TNR: variants seen among roughly 807,000 people sequenced by gnomAD.
TNR encodes tenascin R.
Under a neutral mutation model 150.4 loss-of-function variants are expected in TNR, and 45 were observed. That is an observed-to-expected ratio of 0.30 (90% CI 0.24 to 0.38). The LOEUF (loss-of-function observed/expected upper bound fraction) is 0.38, where lower values mean the gene tolerates loss of function less well. Ranked by LOEUF, TNR falls within the 10% of genes least tolerant of loss-of-function variation. The pLI is 1.00. For synonymous variants in TNR, 687 were observed against 678.4 expected, an observed-to-expected ratio of 1.01 and a Z score of -0.20; for missense variants, 1,544 against 1,759.1, an observed-to-expected ratio of 0.88 and a Z score of 2.19.
At chr1:175,713,066 G>A (rs1667060980) in intron 1 of TNR, among the ~76,000 whole-genome samples, 2 of 152,292 alleles carry the variant, frequency 1.3e-5, no homozygotes, top group South Asian at 4.1e-4. Context: ...TCGCAGGCCA[G>A]TGCAAACGGG....
At position 175,609,265 on chromosome 1, in the gene TNR, AAATCAAT is replaced by A. The variant is rs562215719; in HGVS notation, c.-164-80903_-164-80897del. On this transcript the variant is annotated intron_variant, in intron 1 of 22. Coordinates refer to ENST00000367674, the MANE Select transcript of TNR (RefSeq NM_003285.3). ...TTTGACTTATATAAATATTAAACAC[AAATCAAT>A]AATCAATAATTTGCAAGAATGTATA... 2.0e-3 allele frequency among the ~76,000 whole-genome samples: 308 copies of A among 152,366 alleles called. 1 individual carries two copies. Among genetic ancestry groups the A allele is most frequent in the African/African-American group, 6.9e-3 (288 of 41,586 alleles).
intron 2 of TNR, among the ~76,000 whole-genome samples, chr1:175,426,974 A>G (rs1405120510): frequency 3.5e-5 from 5 of 141,082 alleles, no homozygotes; most frequent in Non-Finnish European, 7.5e-5. Flanking sequence ...TATATTATAT[A>G]TATATTATAT....
At chr1:175,564,540 C>T (rs772308734) in intron 1 of TNR, among the ~76,000 whole-genome samples, 1 of 152,162 alleles carries the variant, frequency 6.6e-6, no homozygotes, top group African/African-American at 2.4e-5. Flanking sequence ...ATTGGTTGCA[C>T]ATTTTGATGC....
At chr1:175,708,696 T>C (rs1380630370) in intron 1 of TNR, among the ~76,000 whole-genome samples, 1 of 152,076 alleles carries the variant, frequency 6.6e-6, no homozygotes, top group African/African-American at 2.4e-5. Flanking sequence ...AAATGAACCA[T>C]GGACTTGGTG....
intron 1 of TNR, among the ~76,000 whole-genome samples, chr1:175,701,409 CA>C (rs10715965): frequency 0.032 from 4,888 of 152,174 alleles, 243 homozygotes; most frequent in African/African-American, 0.1. Context: ...AACAAACAAA[CA>C]AAAAACACCT....
At chr1:175,657,636 T>C (rs1298333897) in intron 1 of TNR, among the ~76,000 whole-genome samples, 3 of 151,180 alleles carry the variant, frequency 2.0e-5, no homozygotes, top group Non-Finnish European at 4.4e-5. Context: ...TGGATGAAGC[T>C]GGAAACCATC....
At chr1:175,358,483 T>C (rs1651431378) in intron 15 of TNR, among the ~76,000 whole-genome samples, 2 of 152,248 alleles carry the variant, frequency 1.3e-5, no homozygotes, top group Admixed American at 6.5e-5. Flanking sequence ...TTGTCTGTTT[T>C]AGTTTTTACC....
At chr1:175,575,097 C>T (rs1321414223) in intron 1 of TNR, among the ~76,000 whole-genome samples, 2 of 152,162 alleles carry the variant, frequency 1.3e-5, no homozygotes, top group East Asian at 1.9e-4. Flanking sequence ...TTTGCTGGGG[C>T]CATGTGGCTT....
intron 2 of TNR, among the ~76,000 whole-genome samples, chr1:175,417,386 C>A (rs555165901): frequency 1.2e-4 from 19 of 152,102 alleles, no homozygotes; most frequent in Admixed American, 7.2e-4. Flanking sequence ...AACTGGAGCC[C>A]CCAGGCCAAA....
At chr1:175,631,887 C>T (rs939724665) in intron 1 of TNR, among the ~76,000 whole-genome samples, 2 of 152,144 alleles carry the variant, frequency 1.3e-5, no homozygotes, top group African/African-American at 4.8e-5. Flanking sequence ...TCATAAACAG[C>T]ATGTAATGCT....
intron 2 of TNR, among the ~76,000 whole-genome samples, chr1:175,519,878 G>A (rs1295288264): frequency 1.3e-5 from 2 of 152,196 alleles, no homozygotes; most frequent in African/African-American, 2.4e-5. Context: ...CTGGTGTCTG[G>A]CTGTATGGTC....
At position 175,391,437 on chromosome 1, in the gene TNR, T is replaced by C; in HGVS notation, c.1358A>G (p.Asn453Ser). 6.2e-7 allele frequency: 1 copy of C among 1,613,898 alleles called. No homozygotes were observed. The highest frequency in any genetic ancestry group is 8.5e-7 in the Non-Finnish European group (1 of 1,179,920). Residue 453 changes from asparagine to serine, a missense_variant and splice_region_variant, in exon 7 of 23, where the codon AAC becomes AGC. Asn to Ser is a conservative substitution (Grantham distance 46). Transcript: ENST00000367674. ...CTGAGCAATCACTCCCCCTTCATTG[T>C]TCTGGACAGTGGGGAGAAGCAGAGA... ...DGWEISFIPK[N>S]NEGGVIAQVP...
At chr1:175,739,466 C>T (rs1015327787) in intron 1 of TNR, among the ~76,000 whole-genome samples, 3 of 152,018 alleles carry the variant, frequency 2.0e-5, no homozygotes, top group African/African-American at 7.3e-5. Context: ...TATATTTGTA[C>T]GTGTGTGCTG....
At chr1:175,337,734 G>A (rs1330053838) in intron 18 of TNR, 55 bp from the exon 19 acceptor site, 4 of 1,590,070 alleles carry the variant, frequency 2.5e-6, no homozygotes, top group African/African-American at 2.7e-5. Context: ...CAGTGCACAA[G>A]AGCTCCTTGG....
intron 2 of TNR, among the ~76,000 whole-genome samples, chr1:175,422,664 C>T (rs1654806887): frequency 6.6e-6 from 1 of 152,218 alleles, no homozygotes; most frequent in South Asian, 2.1e-4. Context: ...GGTCTCCCCC[C>T]TAACCCCAGT....
intron 14 of TNR, among the ~76,000 whole-genome samples, chr1:175,361,515 T>C (rs913613657): frequency 4.6e-5 from 7 of 152,212 alleles, no homozygotes; most frequent in African/African-American, 1.7e-4. Flanking sequence ...GATCAGAATA[T>C]CCTGCGCTGT....
chr1:175,656,126 GGGGA>G (rs1665164710), intron 1 of TNR, among the ~76,000 whole-genome samples: 1 of 150,402 alleles, frequency 6.6e-6, no homozygotes, highest in African/African-American at 2.5e-5. Flanking sequence ...AGGGGAAGAC[GGGGA>G]GGAAGGTTGA....
intron 1 of TNR, among the ~76,000 whole-genome samples, chr1:175,676,092 A>G (rs569751900): frequency 1.2e-4 from 19 of 152,300 alleles, no homozygotes; most frequent in Admixed American, 3.9e-4. Flanking sequence ...CAGGCACTGC[A>G]CTGAGCTTTA....
At chr1:175,504,130 A>G (rs1325375472) in intron 2 of TNR, among the ~76,000 whole-genome samples, 1 of 152,004 alleles carries the variant, frequency 6.6e-6, no homozygotes, top group Non-Finnish European at 1.5e-5. Flanking sequence ...CTTTGAAGGG[A>G]GTTTCTAGAG....
Sources: gnomAD v4.1 joint callset for allele counts (sites outside exome capture counted in the v4.1 genomes callset) on GRCh38, gnomAD v4.1.1 for gene constraint, MANE v1.5 for transcripts, NCBI Gene and HGNC (gene_info 2026-07-23, HGNC 2026-07-21) for gene names.